ARL15: variants seen among roughly 807,000 people sequenced by gnomAD.
ARL15 encodes the protein ADP-ribosylation factor-like protein 15.
ARL15 carries 19 observed loss-of-function variants against 25.2 expected under a neutral mutation model. That is an observed-to-expected ratio of 0.75 (90% CI 0.53 to 1.10). ARL15 has a LOEUF of 1.10. Among genes scored for constraint, ARL15 ranks in the 50% least tolerant of loss-of-function variants. The pLI is 0.00. For missense variants in ARL15, 220 were observed against 246.0 expected (o/e 0.89, Z 0.71); for synonymous variants, 94 against 86.8 (o/e 1.08, Z -0.46).
intron 3 of ARL15, among the ~76,000 whole-genome samples, chr5:54,114,781 T>C (rs1179014061): frequency 1.3e-5 from 2 of 152,208 alleles, no homozygotes; most frequent in East Asian, 3.8e-4. Flanking sequence ...TTCATCACTT[T>C]CATTCAAGAA....
At chr5:54,308,967 T>C (rs1758828597) in intron 1 of ARL15, among the ~76,000 whole-genome samples, 1 of 152,206 alleles carries the variant, frequency 6.6e-6, no homozygotes, top group South Asian at 2.1e-4. Context: ...TTAGGCAGAC[T>C]GCAAGACAAA....
rs151214365 is a variant in ARL15, at chr5:53,938,235, G to A, written c.463-51522C>T. 5.7e-3 allele frequency among the ~76,000 whole-genome samples: 710 copies of A among 125,152 alleles called. 9 individuals are homozygous for A. Among genetic ancestry groups the A allele is most frequent in the African/African-American group, 0.021 (673 of 31,340 alleles). 82.1% of individuals were successfully genotyped at this position (125,152 alleles called of 152,430 possible). A position where few individuals can be genotyped will look rare whatever the true frequency, so the allele number is the denominator to read the frequency against. On this transcript the variant is annotated intron_variant, in intron 4 of 4. Coordinates refer to ENST00000504924, the MANE Select transcript of ARL15 (RefSeq NM_019087.3). ...AAGGAGTTTATCCATATTTCTCCTT[G>A]GTTAACATTCTGCTAAAAAAAAAAA... is the stretch of plus-strand genomic sequence containing the variant.
chr5:54,146,008 C>G (rs1330559313), intron 3 of ARL15, among the ~76,000 whole-genome samples: 1 of 152,084 alleles, frequency 6.6e-6, no homozygotes, highest in African/African-American at 2.4e-5. Flanking sequence ...TTTCTCCTTC[C>G]TATATGATCC....
At chr5:54,240,923 C>CTTT (rs905218373) in intron 1 of ARL15, among the ~76,000 whole-genome samples, 3 of 152,078 alleles carry the variant, frequency 2.0e-5, no homozygotes, top group African/African-American at 7.2e-5. Flanking sequence ...ATCCAAAAGC[C>CTTT]AAAACACTTC....
chr5:54,235,351 T>C (rs1267162309), intron 1 of ARL15, among the ~76,000 whole-genome samples: 2 of 152,138 alleles, frequency 1.3e-5, no homozygotes, highest in African/African-American at 2.4e-5. Context: ...TGTAATGACA[T>C]GGAAAGAAGT....
At chr5:54,228,558 A>G (rs1258013523) in intron 1 of ARL15, among the ~76,000 whole-genome samples, 2 of 135,090 alleles carry the variant, frequency 1.5e-5, no homozygotes, top group Non-Finnish European at 3.0e-5. Flanking sequence ...GGTTATTCTC[A>G]CCTCCCCCAT....
chr5:54,016,495 T>C, intron 4 of ARL15, among the ~76,000 whole-genome samples: 1 of 152,196 alleles, frequency 6.6e-6, no homozygotes, highest in Non-Finnish European at 1.5e-5. Flanking sequence ...AAATTCTTTA[T>C]TTTTAAACAA....
chr5:54,011,544 T>A (rs1749244066), intron 4 of ARL15, among the ~76,000 whole-genome samples: 1 of 152,152 alleles, frequency 6.6e-6, no homozygotes, highest in African/African-American at 2.4e-5. Context: ...GTGGTTAGGG[T>A]GAAAAATAGC....
At chr5:54,199,476 G>A (rs1172889955) in intron 1 of ARL15, among the ~76,000 whole-genome samples, 6 of 152,020 alleles carry the variant, frequency 3.9e-5, no homozygotes, top group Non-Finnish European at 8.8e-5. Context: ...ATCAAAAAGT[G>A]GGTGAAGGAC....
intron 1 of ARL15, among the ~76,000 whole-genome samples, chr5:54,299,607 T>TC (rs1240805283): frequency 2.1e-5 from 3 of 143,736 alleles, no homozygotes; most frequent in African/African-American, 8.1e-5. Context: ...TTTTTTTTTT[T>TC]TGAGATGGAG....
At chr5:54,192,500 C>G (rs1056939406) in intron 1 of ARL15, among the ~76,000 whole-genome samples, 1 of 151,672 alleles carries the variant, frequency 6.6e-6, no homozygotes, top group Non-Finnish European at 1.5e-5. Context: ...TGATGGAATT[C>G]TATATTCTAG....
At chr5:54,226,248 C>T (rs1020474102) in intron 1 of ARL15, among the ~76,000 whole-genome samples, 10 of 152,190 alleles carry the variant, frequency 6.6e-5, no homozygotes, top group South Asian at 2.1e-4. Context: ...ACAAGAAAAG[C>T]GGCAGGTGGA....
At chr5:53,915,886 G>A (rs1002491708) in intron 4 of ARL15, among the ~76,000 whole-genome samples, 4 of 152,078 alleles carry the variant, frequency 2.6e-5, no homozygotes, top group East Asian at 1.9e-4. Context: ...TAAGTGATTC[G>A]CCTCTTGGTT....
intron 2 of ARL15, among the ~76,000 whole-genome samples, chr5:54,160,061 G>C (rs1289437379): frequency 1.3e-5 from 2 of 152,202 alleles, no homozygotes; most frequent in Non-Finnish European, 2.9e-5. Context: ...GTCACTCTAA[G>C]AATTGCTGAA....
intron 4 of ARL15, among the ~76,000 whole-genome samples, chr5:54,034,859 G>A (rs190744783): frequency 5.3e-5 from 8 of 151,112 alleles, no homozygotes; most frequent in Admixed American, 2.0e-4. Flanking sequence ...GACGGGGGGC[G>A]GTCTCTCATT....
chr5:54,072,473 A>G (rs1259982210), intron 4 of ARL15, among the ~76,000 whole-genome samples: 1 of 152,226 alleles, frequency 6.6e-6, no homozygotes, highest in African/African-American at 2.4e-5. Context: ...CAAGGTAACT[A>G]TCTCTCAGCG....
At chr5:54,267,126 C>G (rs1466503558) in intron 1 of ARL15, among the ~76,000 whole-genome samples, 1 of 152,164 alleles carries the variant, frequency 6.6e-6, no homozygotes, top group Non-Finnish European at 1.5e-5. Context: ...GGGTCTCACT[C>G]TGTCACCCAG....
At chr5:54,073,005 A>G (rs923751715) in intron 4 of ARL15, among the ~76,000 whole-genome samples, 7 of 152,230 alleles carry the variant, frequency 4.6e-5, no homozygotes, top group African/African-American at 1.7e-4. Context: ...CTGGTCACTC[A>G]GGTTTAAAGC....
intron 4 of ARL15, among the ~76,000 whole-genome samples, chr5:53,999,962 G>A (rs954459228): frequency 6.6e-6 from 1 of 152,040 alleles, no homozygotes; most frequent in African/African-American, 2.4e-5. Context: ...GCAGAGAAGG[G>A]TGGGGTATAG....
Sources: allele counts gnomAD v4.1 joint callset (sites outside exome capture counted in the v4.1 genomes callset), GRCh38; gene constraint gnomAD v4.1.1; transcripts MANE v1.5; gene names NCBI Gene and HGNC (gene_info 2026-07-23, HGNC 2026-07-21).